SLC24A2: variants seen among roughly 807,000 people sequenced by gnomAD.
The protein encoded by SLC24A2 is solute carrier family 24 member 2, also known as sodium/potassium/calcium exchanger 2.
A neutral mutation model predicts 62.0 loss-of-function variants in SLC24A2; 36 were observed. The ratio of observed to expected loss-of-function variants is 0.58; its 90% CI spans 0.44 to 0.77. SLC24A2 has a LOEUF of 0.77. SLC24A2 is among the 30% of genes least tolerant of loss of function. The pLI is 0.00. For synonymous variants in SLC24A2, 358 were observed against 294.0 expected (o/e 1.22, Z -2.23); for missense variants, 846 against 817.9 (o/e 1.03, Z -0.42).
chr9:19,527,986 A>C, intron 9 of SLC24A2, 63 bp downstream of exon 9: 3 of 1,027,222 alleles, frequency 2.9e-6, no homozygotes, highest in Non-Finnish European at 4.5e-6. Context: ...CACAATGATT[A>C]AACACTTGAC....
At chr9:19,597,707 G>A (rs1017938070) in intron 4 of SLC24A2, among the ~76,000 whole-genome samples, 5 of 152,188 alleles carry the variant, frequency 3.3e-5, no homozygotes, top group Admixed American at 3.3e-4. Context: ...AGTTCAAGAA[G>A]TTTATTTCAC....
chr9:20,031,744 C>T, the SLC24A2 span, among the ~76,000 whole-genome samples: 1 of 152,126 alleles, frequency 6.6e-6, no homozygotes, highest in African/African-American at 2.4e-5. Flanking sequence ...GGCTGCTGGT[C>T]AGCCCCAATC....
chr9:19,915,806 G>A, the SLC24A2 span, among the ~76,000 whole-genome samples: 2 of 151,896 alleles, frequency 1.3e-5, no homozygotes, highest in Admixed American at 1.3e-4. Flanking sequence ...TGAGTTTTGT[G>A]AGGTTCTTTA....
the SLC24A2 span, among the ~76,000 whole-genome samples, chr9:20,164,084 T>C: frequency 6.6e-6 from 1 of 152,160 alleles, no homozygotes; most frequent in East Asian, 1.9e-4. Flanking sequence ...AAGGACTTCA[T>C]GTCTAAAATA....
the SLC24A2 span, among the ~76,000 whole-genome samples, chr9:20,134,450 G>A: frequency 1.3e-5 from 2 of 152,122 alleles, no homozygotes; most frequent in Non-Finnish European, 2.9e-5. Flanking sequence ...ACTGGAGTCT[G>A]AAGGCCTCAC....
chr9:20,294,652 A>T, the SLC24A2 span, among the ~76,000 whole-genome samples: 1 of 152,204 alleles, frequency 6.6e-6, no homozygotes, highest in African/African-American at 2.4e-5. Flanking sequence ...TCACTTAGTG[A>T]TTTCCTTAAA....
At chr9:20,142,637 C>G in the SLC24A2 span, among the ~76,000 whole-genome samples, 1 of 152,040 alleles carries the variant, frequency 6.6e-6, no homozygotes, top group Non-Finnish European at 1.5e-5. Flanking sequence ...CACTCTGCAG[C>G]CTGGGATGAA....
intron 8 of SLC24A2, among the ~76,000 whole-genome samples, chr9:19,535,765 G>A (rs111301406): frequency 0.014 from 2,168 of 151,412 alleles, 53 homozygotes; most frequent in African/African-American, 0.05. Flanking sequence ...GCCTAGTTTG[G>A]AGTCAGGTAG....
At chr9:20,102,027 G>A in the SLC24A2 span, among the ~76,000 whole-genome samples, 4 of 152,174 alleles carry the variant, frequency 2.6e-5, no homozygotes, top group Admixed American at 2.6e-4. Flanking sequence ...ATCATTCTGT[G>A]CAAGCTCTTG....
intron 2 of SLC24A2, among the ~76,000 whole-genome samples, chr9:19,731,187 AT>A (rs1334437213): frequency 6.6e-6 from 1 of 152,206 alleles, no homozygotes; most frequent in Non-Finnish European, 1.5e-5. Context: ...GGTGGAAAAA[AT>A]ATGAATTTTA....
chr9:20,274,792 G>A, the SLC24A2 span, among the ~76,000 whole-genome samples: 2 of 151,990 alleles, frequency 1.3e-5, no homozygotes, highest in African/African-American at 4.8e-5. Flanking sequence ...GATCTCTTGG[G>A]GATGAAGAAA....
intron 2 of SLC24A2, among the ~76,000 whole-genome samples, chr9:19,730,340 G>A (rs1393515540): frequency 1.3e-5 from 2 of 152,084 alleles, no homozygotes; most frequent in Admixed American, 1.3e-4. Context: ...AAATTACATA[G>A]TTATATTTGT....
chr9:20,008,070 A>G, the SLC24A2 span, among the ~76,000 whole-genome samples: 3 of 150,654 alleles, frequency 2.0e-5, no homozygotes, highest in East Asian at 3.9e-4. Context: ...TAATTTTTCT[A>G]TTTTTAATAG....
intron 2 of SLC24A2, among the ~76,000 whole-genome samples, chr9:19,636,320 T>TTTTCTTTTCTTTTCTC (rs1564009722): frequency 4.7e-5 from 1 of 21,358 alleles, no homozygotes; most frequent in African/African-American, 1.6e-4. Flanking sequence ...TTTTCTTTTC[T>TTTTCTTTTCTTTTCTC]TTCTTTCTTT....
At chr9:19,662,233 TAATC>T (rs1436894361) in intron 2 of SLC24A2, among the ~76,000 whole-genome samples, 1 of 152,248 alleles carries the variant, frequency 6.6e-6, no homozygotes, top group African/African-American at 2.4e-5. Flanking sequence ...TTTCAACATG[TAATC>T]AATAGAAGAA....
the SLC24A2 span, among the ~76,000 whole-genome samples, chr9:20,195,131 C>T: frequency 4.6e-3 from 697 of 152,152 alleles, 7 homozygotes; most frequent in African/African-American, 0.016. Flanking sequence ...TATTCATGTT[C>T]GCAGCTGTAT....
At chr9:19,901,776 C>T in the SLC24A2 span, among the ~76,000 whole-genome samples, 1 of 151,910 alleles carries the variant, frequency 6.6e-6, no homozygotes, top group Admixed American at 6.6e-5. Context: ...GGTTGGTGTT[C>T]TTCTTAACAG....
the SLC24A2 span, among the ~76,000 whole-genome samples, chr9:20,179,365 G>A: frequency 5.9e-5 from 9 of 152,064 alleles, no homozygotes; most frequent in South Asian, 4.1e-4. Flanking sequence ...TGCCCCAATC[G>A]GAGAAAAAAA....
At chr9:20,296,420 T>C in the SLC24A2 span, among the ~76,000 whole-genome samples, 1 of 152,222 alleles carries the variant, frequency 6.6e-6, no homozygotes, top group Non-Finnish European at 1.5e-5. Flanking sequence ...AGAGCTCTAA[T>C]TCATTTTAGA....
Sources: allele counts gnomAD v4.1 joint callset (sites outside exome capture counted in the v4.1 genomes callset), GRCh38; gene constraint gnomAD v4.1.1; transcripts MANE v1.5; gene names NCBI Gene and HGNC (gene_info 2026-07-23, HGNC 2026-07-21).